The following TAF1B variants were observed in gnomAD, a reference collection of about 807,000 sequenced individuals.
The protein encoded by TAF1B is TATA-box binding protein associated factor, RNA polymerase I subunit B.
A neutral mutation model predicts 83.9 loss-of-function variants in TAF1B; 61 were observed. That is an observed-to-expected ratio of 0.73 (90% confidence interval 0.59 to 0.90). TAF1B has a LOEUF of 0.90. Among genes scored for constraint, TAF1B ranks in the 40% least tolerant of loss-of-function variants. The pLI is 0.00. For synonymous variants in TAF1B, 221 were observed against 224.6 expected, an observed-to-expected ratio of 0.98 and a Z score of 0.14; for missense variants, 625 against 677.0, an observed-to-expected ratio of 0.92 and a Z score of 0.85.
rs371705155 is a variant in TAF1B at position 9,849,335 on chromosome 2, A to G, written c.118-38A>G. Reference sequence around the variant, plus strand: ...TGGAAAAATGCTTAGGGGGATGTAAAACGATCTTTTTTAATGGTCTTTTTC... The same window carrying G: ...TGGAAAAATGCTTAGGGGGATGTAAGACGATCTTTTTTAATGGTCTTTTTC... On this transcript the variant is annotated intron_variant, in intron 2 of 14. Transcript: ENST00000263663. 123 of 1,503,494 alleles carry G rather than the reference A, an allele frequency of 8.2e-5. No homozygotes were observed. In the East Asian group the frequency reaches 2.0e-3, roughly 24 times the overall value. 93.1% of individuals were successfully genotyped at this position (1,503,494 alleles called of 1,614,324 possible).
At chr2:9,862,704 G>C (rs1663816355) in intron 5 of TAF1B, among the ~76,000 whole-genome samples, 1 of 152,174 alleles carries the variant, frequency 6.6e-6, no homozygotes, top group Admixed American at 6.5e-5. Context: ...GAAAGGTCGG[G>C]TTACCCACAA....
chr2:9,859,172 T>C (rs1663666314), intron 5 of TAF1B, among the ~76,000 whole-genome samples: 1 of 129,376 alleles, frequency 7.7e-6, no homozygotes, highest in Non-Finnish European at 1.6e-5. Flanking sequence ...CCAGGTTACC[T>C]CTTGAATGCT....
At chr2:9,932,816 A>G (rs4669500) in intron 14 of TAF1B, among the ~76,000 whole-genome samples, 77,667 of 152,072 alleles carry the variant, frequency 0.51, 22,908 homozygotes, top group Non-Finnish European at 0.68. Flanking sequence ...GCTGAGCTGC[A>G]GTGGGCTCTG....
chr2:9,870,397 T>C (rs963456713), intron 6 of TAF1B, among the ~76,000 whole-genome samples: 1 of 152,144 alleles, frequency 6.6e-6, no homozygotes, highest in African/African-American at 2.4e-5. Context: ...CTGAGGTTGC[T>C]GGAGTGCTTG....
chr2:9,933,056 C>T (rs1186072734), intron 14 of TAF1B, among the ~76,000 whole-genome samples: 1 of 152,200 alleles, frequency 6.6e-6, no homozygotes, highest in Admixed American at 6.5e-5. Flanking sequence ...GGGAGTGTCC[C>T]GATTTTCCAG....
At chr2:9,910,174 C>G (rs1000589114) in intron 9 of TAF1B, among the ~76,000 whole-genome samples, 2 of 152,172 alleles carry the variant, frequency 1.3e-5, no homozygotes, top group African/African-American at 4.8e-5. Context: ...CTAAGTGACT[C>G]TGATCCAAGA....
In TAF1B at chr2:9,905,114, C is replaced by T. The variant is rs116687426; in HGVS notation, c.955+108C>T. The T allele has an allele frequency of 9.1e-4, 813 of 897,264 alleles. 2 individuals are homozygous for T. The African/African-American group carries it at 0.012, about 14-fold the overall frequency. 55.6% of individuals were successfully genotyped at this position (897,264 alleles called of 1,614,324 possible). On this transcript the variant is annotated intron_variant, in intron 9 of 14. Coordinates refer to ENST00000263663, the MANE Select transcript of TAF1B (RefSeq NM_005680.3). ...ACTATTAGAACCACCTGAAAAGGTC[C>T]ATGGTTACATGAAACTTAATGTCAA... is the stretch of plus-strand genomic sequence containing the variant.
At chr2:9,856,323 G>A (rs1233132018) in intron 5 of TAF1B, among the ~76,000 whole-genome samples, 3 of 151,740 alleles carry the variant, frequency 2.0e-5, no homozygotes, top group African/African-American at 7.3e-5. Flanking sequence ...AAAAGGCAGG[G>A]GAATAACCTG....
chr2:9,881,205 G>A (rs995804288), intron 7 of TAF1B, among the ~76,000 whole-genome samples: 1 of 152,062 alleles, frequency 6.6e-6, no homozygotes, highest in Admixed American at 6.5e-5. Flanking sequence ...ATGGTGGTGG[G>A]TGCCTGTAAG....
At chr2:9,902,289 A>G (rs1196681381) in intron 8 of TAF1B, among the ~76,000 whole-genome samples, 14 of 150,830 alleles carry the variant, frequency 9.3e-5, no homozygotes, top group African/African-American at 3.2e-4. Flanking sequence ...TCTACACATC[A>G]TAAATGTATA....
intron 8 of TAF1B, among the ~76,000 whole-genome samples, chr2:9,889,975 A>G (rs764421872): frequency 1.3e-5 from 2 of 152,172 alleles, no homozygotes; most frequent in South Asian, 4.1e-4. Flanking sequence ...ATACATGCAC[A>G]TATTGATACT....
chr2:9,861,734 C>T (rs1183793525), intron 5 of TAF1B, among the ~76,000 whole-genome samples: 1 of 152,228 alleles, frequency 6.6e-6, no homozygotes, highest in Admixed American at 6.5e-5. Context: ...GCCAGGTACT[C>T]CTCTGAGACA....
intron 14 of TAF1B, among the ~76,000 whole-genome samples, chr2:9,923,369 T>A (rs1356037500): frequency 2.6e-5 from 4 of 151,792 alleles, no homozygotes; most frequent in African/African-American, 9.7e-5. Context: ...TTGAGCTGCA[T>A]CTACAACGAT....
At chr2:9,909,382 A>G (rs1665451089) in intron 9 of TAF1B, among the ~76,000 whole-genome samples, 1 of 152,264 alleles carries the variant, frequency 6.6e-6, no homozygotes, top group African/African-American at 2.4e-5. Context: ...GGTCACTGGT[A>G]TAACCAAGTT....
At position 9,849,417 on chromosome 2, in the gene TAF1B, A is replaced by G. The variant is rs145202820; in HGVS notation, c.162A>G (p.Gln54=). The G allele has an allele frequency of 7.3e-4, 1,160 of 1,598,318 alleles. 1 individual carries two copies. Among genetic ancestry groups the G allele is most frequent in the Non-Finnish European group, 9.0e-4 (1,053 of 1,173,308 alleles). The part of the protein sequence containing the change: ...VTNTDLIPNT[Q]IKALNRGLKK... ...ACACTGATCTTATTCCTAATACCCA[A>G]ATAAAAGCCCTCAACCGGGGGCTTA... Residue 54 remains glutamine (Q), a synonymous_variant, in exon 3 of 15, where the codon CAA becomes CAG. Transcript: ENST00000263663.
At chr2:9,912,090 T>A (rs1273718248) in intron 11 of TAF1B, among the ~76,000 whole-genome samples, 1 of 152,224 alleles carries the variant, frequency 6.6e-6, no homozygotes, top group African/African-American at 2.4e-5. Flanking sequence ...TTTTGCTAGA[T>A]GTTTAGTGCC....
intron 13 of TAF1B, 116 bp downstream of exon 13, chr2:9,919,227 C>G: frequency 1.2e-6 from 1 of 811,930 alleles, no homozygotes; most frequent in African/African-American, 1.7e-5. Context: ...ACAAATGTTC[C>G]AGGGCACATG....
intron 8 of TAF1B, among the ~76,000 whole-genome samples, chr2:9,903,771 A>G (rs1411523668): frequency 1.3e-5 from 2 of 152,206 alleles, no homozygotes; most frequent in Non-Finnish European, 2.9e-5. Context: ...TGTGTATCAG[A>G]GCAGTCATGA....
intron 8 of TAF1B, among the ~76,000 whole-genome samples, chr2:9,901,684 A>C (rs1392392150): frequency 1.3e-5 from 2 of 152,166 alleles, no homozygotes; most frequent in Non-Finnish European, 2.9e-5. Flanking sequence ...AGTAATGTTA[A>C]ATTGTCTCAG....
Sources: allele counts gnomAD v4.1 joint callset (sites outside exome capture counted in the v4.1 genomes callset), GRCh38; gene constraint gnomAD v4.1.1; transcripts MANE v1.5; gene names NCBI Gene and HGNC (gene_info 2026-07-23, HGNC 2026-07-21).